The following SOWAHC variants were observed in gnomAD, a reference collection of about 807,000 sequenced individuals.
SOWAHC encodes the protein ankyrin repeat domain-containing protein SOWAHC.
SOWAHC carries 12 observed loss-of-function variants against 14.4 expected under a neutral mutation model. That is an observed-to-expected ratio of 0.83 (90% confidence interval 0.53 to 1.35). The LOEUF (loss-of-function observed/expected upper bound fraction) is 1.35, where lower values mean the gene tolerates loss of function less well. SOWAHC is among the 40% of genes most tolerant of loss of function. SOWAHC has a pLI of 0.00. For synonymous variants in SOWAHC, 398 were observed against 347.0 expected, an observed-to-expected ratio of 1.15 and a Z score of -1.63; for missense variants, 771 against 752.8, an observed-to-expected ratio of 1.02 and a Z score of -0.28.
At position 109,615,061 on chromosome 2, in the gene SOWAHC, C is replaced by T. The variant is rs1014286848; in HGVS notation, c.572C>T (p.Ser191Phe). ...HGCEEADRGSSLVGATAQRPA... is the reference protein window; with the variant it reads ...HGCEEADRGSFLVGATAQRPA... ...TGCGAGGAGGCGGACAGGGGCAGCTCCCTTGTGGGGGCTACCGCACAGAGG... is the reference window on the plus strand; with the variant it reads ...TGCGAGGAGGCGGACAGGGGCAGCTTCCTTGTGGGGGCTACCGCACAGAGG... Residue 191 changes from serine to phenylalanine, a missense_variant, in exon 1 of 1, where the codon TCC (serine) becomes TTC (phenylalanine). Ser to Phe is a radical substitution (Grantham distance 155). Coordinates refer to ENST00000356454, the MANE Select transcript of SOWAHC (RefSeq NM_023016.4). 1.0e-5 allele frequency: 16 copies of T among 1,549,192 alleles called. No individual in the cohort carries two copies. The highest frequency in any genetic ancestry group is 1.4e-5 in the Non-Finnish European group (16 of 1,146,750).
Position 109,614,929 on chromosome 2 carries a change from C to A in SOWAHC, c.440C>A (p.Pro147His). The change falls in exon 1 of 1, where the codon CCC (proline) becomes CAC (histidine). Residue 147 changes from proline to histidine, a missense_variant. Physicochemically the swap from Pro to His is moderately conservative, Grantham distance 77 (BLOSUM62 -2). Transcript: ENST00000356454. ...GEPPAPAHWP[P>H]LSAGARRKNS... is the part of the protein sequence containing the mutation. ...CCCCCCGCCCCCGCGCACTGGCCGC[C>A]CCTGAGCGCCGGGGCTCGCAGGAAG... is the stretch of plus-strand genomic sequence containing the variant. 6.6e-7 allele frequency: 1 copy of A among 1,505,036 alleles called. No homozygotes were observed. The highest frequency in any genetic ancestry group is 1.3e-5 in the South Asian group (1 of 78,402). 93.2% of individuals were successfully genotyped at this position (1,505,036 alleles called of 1,614,324 possible).
Position 109,617,430 on chromosome 2 carries a change from G to A in SOWAHC, c.*1363G>A, listed in dbSNP as rs954789076. 1 of 167,036 alleles carries A rather than the reference G, an allele frequency of 6.0e-6. No individual in the cohort carries two copies. The highest frequency in any genetic ancestry group is 2.4e-5 in the African/African-American group (1 of 41,432). 10.3% of individuals were successfully genotyped at this position (167,036 alleles called of 1,614,324 possible). On this transcript the variant is annotated 3_prime_UTR_variant, in exon 1 of 1. Coordinates refer to ENST00000356454, the MANE Select transcript of SOWAHC (RefSeq NM_023016.4). The stretch of plus-strand genomic sequence containing the variant: ...AATTACATTTCATTCATTTATATTA[G>A]AGTAAATGGCTTCATAACTACTTTA...
Position 109,615,446 on chromosome 2 carries a change from C to T in SOWAHC, c.957C>T (p.Ala319=), listed in dbSNP as rs200256817. ...AGCACGGCAGGCAGGAGCTTCTGGC[C>T]ATGCTAGTCAACTTCGCCAACAAAC... is the stretch of plus-strand genomic sequence containing the variant. ...AAKHGRQELL[A]MLVNFANKHQ... is the part of the protein sequence containing the mutation. The change falls in exon 1 of 1, where the codon GCC becomes GCT. Residue 319 remains alanine (A), a synonymous_variant. Transcript: ENST00000356454. The T allele has an allele frequency of 6.2e-7, 1 of 1,613,036 alleles. No individual in the cohort carries two copies. Among genetic ancestry groups the T allele is most frequent in the East Asian group, 2.2e-5 (1 of 44,880 alleles).
rs1260654668 is a variant in SOWAHC at position 109,614,479 on chromosome 2, C to T, written c.-11C>T. On this transcript the variant is annotated 5_prime_UTR_variant, in exon 1 of 1. Transcript: ENST00000356454. Reference sequence around the variant, plus strand: ...GAGCCGCCCGCTGGCGGGGGAGCAGCGCGGTCGAGGATGGAGGGGCCGGCA... The same window carrying T: ...GAGCCGCCCGCTGGCGGGGGAGCAGTGCGGTCGAGGATGGAGGGGCCGGCA... 13 of 1,224,740 alleles carry T rather than the reference C, an allele frequency of 1.1e-5. No homozygotes were observed. The highest frequency in any genetic ancestry group is 1.3e-5 in the Non-Finnish European group (13 of 984,526). The allele number at this position is 1,224,740 out of a possible 1,614,324, so 75.9% of individuals were successfully genotyped here.
In SOWAHC at chr2:109,614,617, G is replaced by C. The variant is rs1442008985; in HGVS notation, c.128G>C (p.Gly43Ala). Residue 43 changes from glycine to alanine, a missense_variant, in exon 1 of 1, where the codon GGC becomes GCC. Transcript: ENST00000356454. ...ELVQHFRGALGGEPEQRARAR... is the reference protein window; with the variant it reads ...ELVQHFRGALAGEPEQRARAR... ...GTGCAGCACTTCAGGGGCGCCCTAG[G>C]CGGCGAACCGGAGCAGCGCGCCCGC... is the stretch of plus-strand genomic sequence containing the variant. 2.7e-6 allele frequency: 4 copies of C among 1,459,762 alleles called. No individual in the cohort carries two copies. The South Asian group carries it at 3.9e-5, about 14-fold the overall frequency. 90.4% of individuals were successfully genotyped at this position (1,459,762 alleles called of 1,614,324 possible). A position where few individuals can be genotyped will look rare whatever the true frequency, so the allele number is the denominator to read the frequency against.
At position 109,615,925 on chromosome 2, in the gene SOWAHC, C is replaced by T; in HGVS notation, c.1436C>T (p.Thr479Ile). ...KPRLNKIRFRTQIVHTTPSFR... is the reference protein window; with the variant it reads ...KPRLNKIRFRIQIVHTTPSFR... ...AGACTCAACAAAATCCGATTCAGAA[C>T]CCAGATCGTCCACACCACACCCTCT... Residue 479 changes from threonine to isoleucine, a missense_variant, in exon 1 of 1, where the codon ACC becomes ATC. Coordinates refer to ENST00000356454, the MANE Select transcript of SOWAHC (RefSeq NM_023016.4). The T allele has an allele frequency of 6.2e-7, 1 of 1,606,836 alleles. No homozygotes were observed. The highest frequency in any genetic ancestry group is 1.1e-5 in the South Asian group (1 of 89,460).
rs1233687612 is a variant in SOWAHC, at chr2:109,615,461, C to G, written c.972C>G (p.Phe324Leu). 6.8e-6 allele frequency: 11 copies of G among 1,613,232 alleles called. No individual in the cohort carries two copies. The highest frequency in any genetic ancestry group is 8.5e-6 in the Non-Finnish European group (10 of 1,180,056). The part of the protein sequence containing the change: ...RQELLAMLVN[F>L]ANKHQLPVNI... ...AGCTTCTGGCCATGCTAGTCAACTT[C>G]GCCAACAAACACCAGCTGCCGGTGA... is the stretch of plus-strand genomic sequence containing the variant. The change falls in exon 1 of 1, where the codon TTC (phenylalanine) becomes TTG (leucine). Residue 324 changes from phenylalanine (F) to leucine (L), a missense_variant. Physicochemically the swap from Phe to Leu is conservative, Grantham distance 22. Transcript: ENST00000356454.
chr2:109,618,109 T>G lies in SOWAHC; in HGVS notation c.*2042T>G, dbSNP rs1192133323. On this transcript the variant is annotated 3_prime_UTR_variant, in exon 1 of 1. Transcript: ENST00000356454. ...ATTGTGGGATTTCAGATATGAACGG[T>G]GTAAATTTGAGAAGCACTTATGCAT... The G allele has an allele frequency of 1.8e-5, 3 of 166,598 alleles. No homozygotes were observed. The highest frequency in any genetic ancestry group is 2.9e-5 in the Non-Finnish European group (2 of 68,038). The allele number at this position is 166,598 out of a possible 1,614,324, so 10.3% of individuals were successfully genotyped here. A position where few individuals can be genotyped will look rare whatever the true frequency, so the allele number is the denominator to read the frequency against.
chr2:109,615,737 A>C lies in SOWAHC; in HGVS notation c.1248A>C (p.Ser416=). 1 of 1,613,950 alleles carries C rather than the reference A, an allele frequency of 6.2e-7. No homozygotes were observed. Among genetic ancestry groups the C allele is most frequent in the Non-Finnish European group, 8.5e-7 (1 of 1,179,966 alleles). ...AGSGGGRWRL[S]KVLPSHLITY... ...GCGGCGGCGGGCGCTGGAGGCTTTC[A>C]AAGGTGCTTCCCTCGCATCTCATCA... Residue 416 remains serine, a synonymous_variant, in exon 1 of 1, where the codon TCA becomes TCC. Coordinates refer to ENST00000356454, the MANE Select transcript of SOWAHC (RefSeq NM_023016.4).
chr2:109,615,822 G>T lies in SOWAHC; in HGVS notation c.1333G>T (p.Ala445Ser). Residue 445 changes from alanine (A) to serine (S), a missense_variant, in exon 1 of 1, where the codon GCT (alanine) becomes TCT (serine). Transcript: ENST00000356454. The part of the protein sequence containing the change: ...GGDHHHHHHS[A>S]EGWVGGKAKD... ...GGACCATCACCACCATCACCACTCG[G>T]CTGAGGGGTGGGTCGGAGGCAAAGC... 6.2e-7 allele frequency: 1 copy of T among 1,614,134 alleles called. No individual in the cohort carries two copies. The highest frequency in any genetic ancestry group is 8.5e-7 in the Non-Finnish European group (1 of 1,180,034).
Position 109,615,096 on chromosome 2 carries a change from C to T in SOWAHC, c.607C>T (p.Gln203Ter). The change falls in exon 1 of 1, where the codon CAG (glutamine) becomes TAG (stop). Residue 203 changes from glutamine to a stop codon, truncating the protein, a stop_gained. Transcript: ENST00000356454. LOFTEE classifies it low-confidence loss of function (END_TRUNC). The stretch of plus-strand genomic sequence containing the variant: ...GGCTACCGCACAGAGGCCGGCCCGC[C>T]AGAACCTCCGTGACCTGGTGATGGG... ...VGATAQRPAR[Q>*]NLRDLVMGSS... 1 of 1,549,740 alleles carries T rather than the reference C, an allele frequency of 6.5e-7. No homozygotes were observed. Among genetic ancestry groups the T allele is most frequent in the East Asian group, 2.4e-5 (1 of 40,906 alleles).
rs927905961 is a variant in SOWAHC, at chr2:109,616,268, C to G, written c.*201C>G. The G allele has an allele frequency of 7.9e-6, 6 of 756,534 alleles. No individual in the cohort carries two copies. In the African/African-American group the frequency reaches 9.1e-5, roughly 11 times the overall value. 46.9% of individuals were successfully genotyped at this position (756,534 alleles called of 1,614,324 possible). A position where few individuals can be genotyped will look rare whatever the true frequency, so the allele number is the denominator to read the frequency against. On this transcript the variant is annotated 3_prime_UTR_variant, in exon 1 of 1. Transcript: ENST00000356454. ...TTTCAGAGATTCATCATACCTTGAC[C>G]TGTACCTCTTCTCTGCCCTCCACTT... is the stretch of plus-strand genomic sequence containing the variant.
In SOWAHC at chr2:109,615,677, C is replaced by T. The variant is rs146889653; in HGVS notation, c.1188C>T (p.Ala396=). The change falls in exon 1 of 1, where the codon GCC becomes GCT. Residue 396 remains alanine, a synonymous_variant. Transcript: ENST00000356454. ...AGGAGATCAAGAACCTGGTGGGAGC[C>T]CTGGACGAGGGTGACGGGGAAAGCG... is the stretch of plus-strand genomic sequence containing the variant. The part of the protein sequence containing the change: ...IAEEIKNLVG[A]LDEGDGESAA... The T allele has an allele frequency of 1.7e-4, 280 of 1,614,060 alleles. No individual in the cohort carries two copies. The African/African-American group carries it at 3.3e-3, about 19-fold the overall frequency.
In SOWAHC at chr2:109,615,668, G is replaced by T; in HGVS notation, c.1179G>T (p.Leu393=). The change falls in exon 1 of 1, where the codon CTG becomes CTT. Residue 393 remains leucine, a synonymous_variant. Transcript: ENST00000356454. ...SRSIAEEIKN[L]VGALDEGDGE... ...GCATCGCCGAGGAGATCAAGAACCTGGTGGGAGCCCTGGACGAGGGTGACG... is the reference window on the plus strand; with the variant it reads ...GCATCGCCGAGGAGATCAAGAACCTTGTGGGAGCCCTGGACGAGGGTGACG... The T allele has an allele frequency of 1.2e-6, 2 of 1,614,168 alleles. No individual in the cohort carries two copies. Among genetic ancestry groups the T allele is most frequent in the Non-Finnish European group, 8.5e-7 (1 of 1,180,022 alleles).
Position 109,615,343 on chromosome 2 carries a change from G to T in SOWAHC, c.854G>T (p.Gly285Val). ...ASDGKWDSLE[G>V]LLTCEPGLLV... is the part of the protein sequence containing the mutation. Reference sequence around the variant, plus strand: ...GATGGCAAGTGGGACAGCCTGGAGGGCTTGCTCACCTGCGAGCCCGGCCTG... The same window carrying T: ...GATGGCAAGTGGGACAGCCTGGAGGTCTTGCTCACCTGCGAGCCCGGCCTG... Residue 285 changes from glycine (G) to valine (V), a missense_variant, in exon 1 of 1, where the codon GGC (glycine) becomes GTC (valine). Physicochemically the swap from Gly to Val is moderately radical, Grantham distance 109 (BLOSUM62 -3). Coordinates refer to ENST00000356454, the MANE Select transcript of SOWAHC (RefSeq NM_023016.4). The T allele has an allele frequency of 6.2e-7, 1 of 1,612,366 alleles. No homozygotes were observed. Among genetic ancestry groups the T allele is most frequent in the South Asian group, 1.1e-5 (1 of 90,968 alleles).
rs1700177676 is a variant in SOWAHC at position 109,618,532 on chromosome 2, T to C, written c.*2465T>C. The C allele has an allele frequency of 6.0e-6, 1 of 167,048 alleles. No homozygotes were observed. Among genetic ancestry groups the C allele is most frequent in the Non-Finnish European group, 1.5e-5 (1 of 68,114 alleles). The allele number at this position is 167,048 out of a possible 1,614,324, so 10.3% of individuals were successfully genotyped here. A position where few individuals can be genotyped will look rare whatever the true frequency, so the allele number is the denominator to read the frequency against. On this transcript the variant is annotated 3_prime_UTR_variant, in exon 1 of 1. Transcript: ENST00000356454. ...AAACCCATTCCTGAGGAGAACTACTTCTAGCATTCCTTTTCATGATGTGCT... is the reference window on the plus strand; with the variant it reads ...AAACCCATTCCTGAGGAGAACTACTCCTAGCATTCCTTTTCATGATGTGCT...
chr2:109,614,760 T>TC lies in SOWAHC; in HGVS notation c.273dup (p.Gly92ArgfsTer116). The stretch of plus-strand genomic sequence containing the variant: ...GTTCTGTGAAGGGCCGTCCGAGCCC[T>TC]CCGGGGACCCGCCGCGAATCCAGGT... On this transcript the variant is annotated frameshift_variant, in exon 1 of 1. Transcript: ENST00000356454. LOFTEE classifies it low-confidence loss of function (END_TRUNC). The TC allele has an allele frequency of 6.8e-7, 1 of 1,479,082 alleles. No homozygotes were observed. The allele number at this position is 1,479,082 out of a possible 1,614,324, so 91.6% of individuals were successfully genotyped here.
In SOWAHC at chr2:109,616,175, C is replaced by A. The variant is rs1352225698; in HGVS notation, c.*108C>A. 8.6e-6 allele frequency: 12 copies of A among 1,391,652 alleles called. No homozygotes were observed. The highest frequency in any genetic ancestry group is 1.0e-5 in the Non-Finnish European group (11 of 1,073,012). The allele number at this position is 1,391,652 out of a possible 1,614,324, so 86.2% of individuals were successfully genotyped here. On this transcript the variant is annotated 3_prime_UTR_variant, in exon 1 of 1. Transcript: ENST00000356454. Reference sequence around the variant, plus strand: ...GGACAAGCTAAATTATGCATTCTTACTTGAGGGATCGGAATGGATGGGGCG... The same window carrying A: ...GGACAAGCTAAATTATGCATTCTTAATTGAGGGATCGGAATGGATGGGGCG...
In SOWAHC at chr2:109,615,461, C is replaced by T. The variant is rs1233687612; in HGVS notation, c.972C>T (p.Phe324=). Residue 324 remains phenylalanine, a synonymous_variant, in exon 1 of 1, where the codon TTC becomes TTT. Coordinates refer to ENST00000356454, the MANE Select transcript of SOWAHC (RefSeq NM_023016.4). ...AGCTTCTGGCCATGCTAGTCAACTT[C>T]GCCAACAAACACCAGCTGCCGGTGA... ...RQELLAMLVN[F]ANKHQLPVNI... 1.2e-6 allele frequency: 2 copies of T among 1,613,232 alleles called. No homozygotes were observed. The highest frequency in any genetic ancestry group is 1.3e-5 in the African/African-American group (1 of 74,954).
Sources: gnomAD v4.1 joint callset for allele counts on GRCh38, gnomAD v4.1.1 for gene constraint, MANE v1.5 for transcripts, NCBI Gene and HGNC (gene_info 2026-07-23, HGNC 2026-07-21) for gene names.